The following C8orf89 variants were observed in gnomAD, a reference collection of about 807,000 sequenced individuals.
The protein encoded by C8orf89 is putative uncharacterized protein C8orf89.
Under a neutral mutation model 15.8 loss-of-function variants are expected in C8orf89, and 14 were observed. The ratio of observed to expected loss-of-function variants is 0.89; its 90% CI spans 0.59 to 1.39. The LOEUF (loss-of-function observed/expected upper bound fraction) is 1.39, where lower values mean the gene tolerates loss of function less well. Among genes scored for constraint, C8orf89 ranks in the 40% most tolerant of loss-of-function variants. The pLI is 0.00. For missense variants in C8orf89, 181 were observed against 184.5 expected (o/e 0.98, Z 0.11); for synonymous variants, 55 against 62.2 (o/e 0.88, Z 0.54).
the C8orf89 span, among the ~76,000 whole-genome samples, chr8:73,270,565 G>A: frequency 0.057 from 8,605 of 152,164 alleles, 292 homozygotes; most frequent in East Asian, 0.16. Flanking sequence ...GGAGATGGCC[G>A]AAGGAACACA....
the C8orf89 span, among the ~76,000 whole-genome samples, chr8:73,282,774 G>C: frequency 4.6e-5 from 7 of 152,340 alleles, no homozygotes; most frequent in African/African-American, 1.7e-4. Flanking sequence ...AGAGTATTTA[G>C]AGTGGTCACA....
chr8:73,274,508 G>T, the C8orf89 span, among the ~76,000 whole-genome samples: 3 of 152,138 alleles, frequency 2.0e-5, no homozygotes, highest in Non-Finnish European at 2.9e-5. Context: ...GGTACAGAGA[G>T]AAATGTAACA....
chr8:73,277,420 C>A, the C8orf89 span: 10 of 1,197,342 alleles, frequency 8.4e-6, no homozygotes, highest in African/African-American at 6.1e-5. Context: ...CAGAACCAGA[C>A]AAAGTAGGTT....
At chr8:73,254,875 C>A (rs1457607012) in intron 2 of C8orf89, among the ~76,000 whole-genome samples, 1 of 152,162 alleles carries the variant, frequency 6.6e-6, no homozygotes, top group Non-Finnish European at 1.5e-5. Flanking sequence ...GGAAAGGATT[C>A]CCTATTTAAT....
At chr8:73,269,376 AT>A in the C8orf89 span, among the ~76,000 whole-genome samples, 1 of 152,256 alleles carries the variant, frequency 6.6e-6, no homozygotes, top group Non-Finnish European at 1.5e-5. Flanking sequence ...AAATGAAAAG[AT>A]GAAAACCTCT....
intron 3 of C8orf89, 134 bp from the exon 4 acceptor site, chr8:73,241,739 G>A (rs1813011319): frequency 3.0e-6 from 2 of 674,558 alleles, no homozygotes; most frequent in South Asian, 5.2e-5. Context: ...ATACTACAGA[G>A]CTATACTAAC....
chr8:73,284,865 A>C, the C8orf89 span, among the ~76,000 whole-genome samples: 1 of 152,226 alleles, frequency 6.6e-6, no homozygotes, highest in Non-Finnish European at 1.5e-5. Context: ...TTTAGGGATT[A>C]TAATACCCTA....
At chr8:73,278,319 G>A in the C8orf89 span, among the ~76,000 whole-genome samples, 1 of 152,202 alleles carries the variant, frequency 6.6e-6, no homozygotes. Flanking sequence ...CTCCAAGGCT[G>A]GGCCTAAGCA....
chr8:73,274,795 CACATATCTTCTGCA>C, the C8orf89 span, among the ~76,000 whole-genome samples: 1 of 152,130 alleles, frequency 6.6e-6, no homozygotes, highest in Non-Finnish European at 1.5e-5. Flanking sequence ...AAATAAGTTA[CACATATCTTCTGCA>C]ACTTTTTTTC....
At chr8:73,259,036 G>A (rs941668205) in intron 1 of C8orf89, among the ~76,000 whole-genome samples, 3 of 152,054 alleles carry the variant, frequency 2.0e-5, no homozygotes, top group African/African-American at 7.2e-5. Context: ...ATAAAACGGA[G>A]TGTGATTCAA....
At chr8:73,278,889 G>C in the C8orf89 span, among the ~76,000 whole-genome samples, 2 of 152,114 alleles carry the variant, frequency 1.3e-5, no homozygotes, top group Non-Finnish European at 2.9e-5. Flanking sequence ...TCTATACTGA[G>C]AGTCTCAACC....
At chr8:73,262,756 G>T (rs561929326), upstream of C8orf89, among the ~76,000 whole-genome samples, 2 of 151,444 alleles carry the variant, frequency 1.3e-5, no homozygotes, top group East Asian at 3.9e-4. Context: ...GTTCTAGGCT[G>T]CAGTGAGCCA....
the C8orf89 span, among the ~76,000 whole-genome samples, chr8:73,279,115 A>AT: frequency 6.6e-6 from 1 of 152,062 alleles, no homozygotes; most frequent in Non-Finnish European, 1.5e-5. Flanking sequence ...AAAAATTTAA[A>AT]TTTTTTTCTA....
At chr8:73,259,638 T>C (rs781040798), upstream of C8orf89, 1 of 392,448 alleles carries the variant, frequency 2.5e-6, no homozygotes. Flanking sequence ...TATTGGGTAA[T>C]ATTTTTAAAA....
At chr8:73,246,984 A>C (rs1463047996) in intron 3 of C8orf89, among the ~76,000 whole-genome samples, 4 of 152,214 alleles carry the variant, frequency 2.6e-5, no homozygotes, top group Admixed American at 2.6e-4. Context: ...TATTAGAGGA[A>C]GACAAGTATG....
the C8orf89 span, among the ~76,000 whole-genome samples, chr8:73,285,074 A>C: frequency 6.6e-6 from 1 of 152,202 alleles, no homozygotes; most frequent in Non-Finnish European, 1.5e-5. Context: ...AAATGGTTCA[A>C]AGTAAAATTG....
At chr8:73,250,217 A>G (rs1813217134) in intron 3 of C8orf89, 51 bp downstream of exon 3, 2 of 1,115,130 alleles carry the variant, frequency 1.8e-6, no homozygotes, top group African/African-American at 3.2e-5. Flanking sequence ...AAAAAAGATA[A>G]GGTATATGAC....
chr8:73,265,667 G>T, the C8orf89 span, among the ~76,000 whole-genome samples: 1 of 152,072 alleles, frequency 6.6e-6, no homozygotes, highest in Non-Finnish European at 1.5e-5. Context: ...ATTCTTCAAA[G>T]AATCCTAAAT....
intron 3 of C8orf89, among the ~76,000 whole-genome samples, chr8:73,249,736 A>G (rs1281872511): frequency 6.6e-6 from 1 of 152,202 alleles, no homozygotes; most frequent in African/African-American, 2.4e-5. Flanking sequence ...TTGACTTAAA[A>G]GTAGTTTTTT....
Sources: gnomAD v4.1 joint callset for allele counts (sites outside exome capture counted in the v4.1 genomes callset) on GRCh38, gnomAD v4.1.1 for gene constraint, MANE v1.5 for transcripts, NCBI Gene and HGNC (gene_info 2026-07-23, HGNC 2026-07-21) for gene names.